The following SMAD4 variants were observed in gnomAD, a reference collection of about 807,000 sequenced individuals.
The protein encoded by SMAD4 is SMAD family member 4, also known as MAD homolog 4.
Under a neutral mutation model 63.2 loss-of-function variants are expected in SMAD4, and 7 were observed. The observed-to-expected ratio is 0.11, with a 90% CI of 0.06 to 0.21. SMAD4 has a LOEUF of 0.21. Among genes scored for constraint, SMAD4 ranks in the 10% least tolerant of loss-of-function variants. The pLI is 1.00. For synonymous variants in SMAD4, 215 were observed against 235.4 expected, an observed-to-expected ratio of 0.91 and a Z score of 0.79; for missense variants, 312 against 693.8, an observed-to-expected ratio of 0.45 and a Z score of 6.18.
chr18:51,060,721 C>T (rs1323301829), intron 8 of SMAD4, among the ~76,000 whole-genome samples: 3 of 152,066 alleles, frequency 2.0e-5, no homozygotes, highest in Non-Finnish European at 4.4e-5. Flanking sequence ...ACAGCCTTGA[C>T]CTCCTAGTCT....
rs571470097 is a variant in SMAD4, at chr18:51,045,550, A to AT, written c.-127-1363dup. Among the ~76,000 whole-genome samples, 216 of 152,024 alleles carry AT rather than the reference A, an allele frequency of 1.4e-3. 1 individual carries two copies. The highest frequency in any genetic ancestry group is 5.1e-3 in the African/African-American group (211 of 41,438). ...TTAATCTTCAGTTTTTGTTATTTTA[A>AT]TTTTTTTGAAAATAATTTACCCTGC... On this transcript the variant is annotated intron_variant, in intron 1 of 11. Transcript: ENST00000342988.
intron 8 of SMAD4, among the ~76,000 whole-genome samples, chr18:51,063,372 T>C (rs8084643): frequency 0.023 from 3,462 of 152,186 alleles, 152 homozygotes; most frequent in African/African-American, 0.078. Flanking sequence ...CATAGCATAA[T>C]GTGATACCTT....
At chr18:51,031,551 A>G (rs1430362659) in intron 1 of SMAD4, among the ~76,000 whole-genome samples, 2 of 152,240 alleles carry the variant, frequency 1.3e-5, no homozygotes, top group Non-Finnish European at 2.9e-5. Context: ...AATAATAAAC[A>G]CAACAGGATA....
Position 51,045,770 on chromosome 18 carries a change from A to G in SMAD4, c.-127-1150A>G, listed in dbSNP as rs115944179. Among the ~76,000 whole-genome samples, 1,149 of 151,996 alleles carry G rather than the reference A, an allele frequency of 7.6e-3. 11 individuals are homozygous for G. The highest frequency in any genetic ancestry group is 0.026 in the African/African-American group (1,085 of 41,452). On this transcript the variant is annotated intron_variant, in intron 1 of 11. Transcript: ENST00000342988. ...TTTCATTATAACAAAGAAACACCAT[A>G]CCCATTAGCAGTCATTCCTCATTCC...
intron 1 of SMAD4, among the ~76,000 whole-genome samples, chr18:51,041,097 G>C (rs915855940): frequency 3.3e-5 from 5 of 151,968 alleles, no homozygotes; most frequent in Admixed American, 3.3e-4. Flanking sequence ...CCCAGTCTAG[G>C]ATCTTACCGC....
chr18:51,053,293 TAG>T (rs1470799846), intron 4 of SMAD4: 1 of 152,104 alleles, frequency 6.6e-6, no homozygotes, highest in East Asian at 1.9e-4. Flanking sequence ...AGGAATTAAT[TAG>T]AGATGTCAGG....
chr18:51,076,618 G>C lies in SMAD4; in HGVS notation c.1309-20G>C, dbSNP rs2144473377. On this transcript the variant is annotated intron_variant, in intron 10 of 11. Transcript: ENST00000342988. ...ATTTTTCTTTATGAACTCATAGTAT[G>C]AAATGTTTTTTCTTAAAAGGTCTTT... 1 of 1,609,264 alleles carries C rather than the reference G, an allele frequency of 6.2e-7. No individual in the cohort carries two copies. The highest frequency in any genetic ancestry group is 1.1e-5 in the South Asian group (1 of 90,916).
At chr18:51,047,335 C>T (rs2144402269) in intron 2 of SMAD4, 40 bp downstream of exon 2, 1 of 1,599,820 alleles carries the variant, frequency 6.3e-7, no homozygotes, top group Non-Finnish European at 8.6e-7. Context: ...TCTATGGTGG[C>T]AGATTTAAAA....
rs777917225 is a variant in SMAD4, at chr18:51,047,163, A to G, written c.117A>G (p.Ala39=). The G allele has an allele frequency of 3.1e-6, 5 of 1,614,140 alleles. No homozygotes were observed. In the South Asian group the frequency reaches 5.5e-5, roughly 18 times the overall value. ...AGAGTGAAACATTTGCAAAAAGAGC[A>G]ATTGAAAGTTTGGTAAAGAAGCTGA... The part of the protein sequence containing the change: ...GGESETFAKR[A]IESLVKKLKE... The change falls in exon 2 of 12, where the codon GCA becomes GCG. Residue 39 remains alanine, a synonymous_variant. Transcript: ENST00000342988.
In SMAD4 at chr18:51,049,313, T is replaced by C; in HGVS notation, c.443T>C (p.Leu148Pro). 6.3e-7 allele frequency: 1 copy of C among 1,596,180 alleles called. No individual in the cohort carries two copies. The highest frequency in any genetic ancestry group is 8.6e-7 in the Non-Finnish European group (1 of 1,163,900). Residue 148 changes from leucine to proline, a missense_variant, in exon 4 of 12, where the codon CTG becomes CCG. Physicochemically the swap from Leu to Pro is moderately conservative, Grantham distance 98 (BLOSUM62 -3). This residue lies in a region of SMAD4 where 169 missense variants were observed against 211.0 expected (regional missense o/e 0.80). Transcript: ENST00000342988. The stretch of plus-strand genomic sequence containing the variant: ...AATTAAGATCTCTCAGGATTAACAC[T>C]GCAGAGTAATGGTAGGTAATCTGTT... ...SPGIDLSGLTLQSNAPSSMMV... is the reference protein window; with the variant it reads ...SPGIDLSGLTPQSNAPSSMMV...
chr18:51,065,916 CT>C (rs1160718256), intron 9 of SMAD4, among the ~76,000 whole-genome samples: 2 of 151,788 alleles, frequency 1.3e-5, no homozygotes, highest in African/African-American at 4.8e-5. Context: ...CTACAAATTA[CT>C]GAAAGGAAGT....
intron 1 of SMAD4, among the ~76,000 whole-genome samples, chr18:51,039,258 TAGTC>T (rs1909302636): frequency 6.6e-6 from 1 of 152,234 alleles, no homozygotes; most frequent in South Asian, 2.1e-4. Context: ...CTAAGGACGT[TAGTC>T]ATTCAGTTTC....
chr18:51,073,386 TATAC>T (rs1214445975), intron 10 of SMAD4, among the ~76,000 whole-genome samples: 6 of 82,076 alleles, frequency 7.3e-5, no homozygotes, highest in Admixed American at 4.1e-4. Context: ...TATATATATA[TATAC>T]ACACACACAC....
chr18:51,062,059 GT>G (rs1910028257), intron 8 of SMAD4, among the ~76,000 whole-genome samples: 1 of 152,148 alleles, frequency 6.6e-6, no homozygotes, highest in African/African-American at 2.4e-5. Context: ...AGATGTCATA[GT>G]TTAATAAACT....
Position 51,084,018 on chromosome 18 carries a change from ACACAC to A in SMAD4, c.*5552_*5556del. On this transcript the variant is annotated 3_prime_UTR_variant, in exon 12 of 12. Transcript: ENST00000342988. ...CGCGTGCGCACGCGCGCGCGCACAC[ACACAC>A]ACACACACACACACACACACAGGTC... The A allele has an allele frequency of 1.0e-5, 1 of 99,068 alleles. No homozygotes were observed. The highest frequency in any genetic ancestry group is 2.0e-5 in the Non-Finnish European group (1 of 50,622). 6.1% of individuals were successfully genotyped at this position (99,068 alleles called of 1,614,324 possible). A position where few individuals can be genotyped will look rare whatever the true frequency, so the allele number is the denominator to read the frequency against.
intron 10 of SMAD4, among the ~76,000 whole-genome samples, chr18:51,076,095 G>A (rs1910465100): frequency 6.6e-6 from 1 of 151,992 alleles, no homozygotes; most frequent in African/African-American, 2.4e-5. Context: ...TGTTGTTGTT[G>A]TTTCTTAAGT....
Position 51,040,325 on chromosome 18 carries a change from G to A in SMAD4, c.-127-6595G>A, listed in dbSNP as rs189995173. Among the ~76,000 whole-genome samples, 72 of 152,000 alleles carry A rather than the reference G, an allele frequency of 4.7e-4. 1 individual carries two copies. Among genetic ancestry groups the A allele is most frequent in the Non-Finnish European group, 9.1e-4 (62 of 67,986 alleles). ...TGTAGTCCCAGCTACTGGGGAGGCT[G>A]AGGCAGGAGAATCGCTTGAACCCAG... On this transcript the variant is annotated intron_variant, in intron 1 of 11. Coordinates refer to ENST00000342988, the MANE Select transcript of SMAD4 (RefSeq NM_005359.6).
chr18:51,074,207 T>G (rs1910411506), intron 10 of SMAD4, among the ~76,000 whole-genome samples: 2 of 145,922 alleles, frequency 1.4e-5, no homozygotes, highest in Non-Finnish European at 1.5e-5. Flanking sequence ...AGACCTCATC[T>G]CTACCAAAAA....
chr18:51,067,973 A>G (rs980630789), intron 10 of SMAD4, among the ~76,000 whole-genome samples: 3 of 152,214 alleles, frequency 2.0e-5, no homozygotes, highest in Non-Finnish European at 4.4e-5. Context: ...TGAAAGAGAA[A>G]GGCAGTTGTA....
Sources: allele counts gnomAD v4.1 joint callset (sites outside exome capture counted in the v4.1 genomes callset), GRCh38; gene constraint gnomAD v4.1.1; regional missense constraint gnomAD v4.1.1; transcripts MANE v1.5; gene names NCBI Gene and HGNC (gene_info 2026-07-23, HGNC 2026-07-21).